The following U2SURP variants were observed in gnomAD, a reference collection of about 807,000 sequenced individuals.
U2SURP encodes U2 snRNP-associated SURP motif-containing protein.
U2SURP carries 9 observed loss-of-function variants against 144.9 expected under a neutral mutation model. The observed-to-expected ratio is 0.06, with a 90% CI of 0.04 to 0.11. The LOEUF is 0.11. U2SURP is among the 10% of genes least tolerant of loss of function. U2SURP has a pLI of 1.00. For synonymous variants in U2SURP, 408 were observed against 396.8 expected (o/e 1.03, Z -0.33); for missense variants, 724 against 1,226.7 (o/e 0.59, Z 6.12).
intron 23 of U2SURP, among the ~76,000 whole-genome samples, chr3:143,041,384 A>G (rs998708839): frequency 2.0e-5 from 3 of 151,984 alleles, no homozygotes; most frequent in African/African-American, 7.2e-5. Flanking sequence ...TTTTCCAAGA[A>G]GAATATTTTT....
chr3:143,055,143 A>G, intron 27 of U2SURP, 24 bp downstream of exon 27: 3 of 1,523,310 alleles, frequency 2.0e-6, no homozygotes, highest in South Asian at 1.3e-5. Context: ...ATTTTTGCTA[A>G]TATTTCAGAT....
Position 143,001,600 on chromosome 3 carries a change from C to G in U2SURP, c.-29C>G. On this transcript the variant is annotated 5_prime_UTR_variant, in exon 1 of 28. Coordinates refer to ENST00000473835, the MANE Select transcript of U2SURP (RefSeq NM_001080415.2). ...GGTGCTCGACTCGCCCGTGCTGCTG[C>G]CGCCGCCGAAGGAGGGGCAAAGCTC... is the stretch of plus-strand genomic sequence containing the variant. The G allele has an allele frequency of 6.2e-7, 1 of 1,613,318 alleles. No homozygotes were observed.
intron 20 of U2SURP, among the ~76,000 whole-genome samples, chr3:143,036,687 T>C (rs1009465575): frequency 2.0e-5 from 3 of 152,186 alleles, no homozygotes; most frequent in African/African-American, 7.2e-5. Context: ...ACTTTGTACA[T>C]GTCCTTCCCT....
intron 24 of U2SURP, among the ~76,000 whole-genome samples, chr3:143,049,129 G>A (rs957644836): frequency 3.3e-5 from 5 of 151,014 alleles, no homozygotes; most frequent in Non-Finnish European, 5.9e-5. Flanking sequence ...AATTAGGCTT[G>A]GTGGCGTGCG....
Position 143,021,730 on chromosome 3 carries a change from T to G in U2SURP, c.852+175T>G, listed in dbSNP as rs930415642. On this transcript the variant is annotated intron_variant, in intron 10 of 27. Transcript: ENST00000473835. ...TCTTGCCACATATTCTTGTTTCCTC[T>G]TTCAGTAACTAGATTGAACTCTGGA... is the stretch of plus-strand genomic sequence containing the variant. The G allele has an allele frequency of 4.8e-6, 3 of 628,070 alleles. No homozygotes were observed. In the East Asian group the frequency reaches 8.3e-5, roughly 17 times the overall value. The allele number at this position is 628,070 out of a possible 1,614,324, so 38.9% of individuals were successfully genotyped here.
At chr3:143,048,543 A>G (rs951132432) in intron 24 of U2SURP, among the ~76,000 whole-genome samples, 1 of 152,178 alleles carries the variant, frequency 6.6e-6, no homozygotes, top group African/African-American at 2.4e-5. Flanking sequence ...AAACACACGA[A>G]AAATGTAGAC....
At chr3:143,056,098 C>G (rs1275627359) in intron 27 of U2SURP, among the ~76,000 whole-genome samples, 2 of 152,058 alleles carry the variant, frequency 1.3e-5, no homozygotes, top group African/African-American at 4.8e-5. Flanking sequence ...TATAAACAAG[C>G]GCTCTACTGA....
chr3:143,029,838 T>G (rs186587461), intron 16 of U2SURP, among the ~76,000 whole-genome samples: 1 of 152,302 alleles, frequency 6.6e-6, no homozygotes, highest in Non-Finnish European at 1.5e-5. Flanking sequence ...ACATGAATGA[T>G]GAGGAAGCAA....
chr3:143,012,595 G>A (rs988867912), intron 3 of U2SURP, among the ~76,000 whole-genome samples: 28 of 152,088 alleles, frequency 1.8e-4, no homozygotes, highest in Non-Finnish European at 1.5e-5. Context: ...ACAAAGTAGT[G>A]TTTGGATTTA....
chr3:143,007,928 AT>A (rs1935928654), intron 1 of U2SURP, among the ~76,000 whole-genome samples: 1 of 152,216 alleles, frequency 6.6e-6, no homozygotes. Context: ...TATTTTAAAA[AT>A]TGTGTTAACT....
intron 6 of U2SURP, among the ~76,000 whole-genome samples, chr3:143,018,552 C>G (rs1403123442): frequency 6.6e-6 from 1 of 151,552 alleles, no homozygotes; most frequent in Admixed American, 6.6e-5. Flanking sequence ...GTTTTCAGTT[C>G]TCTTGGATAC....
At chr3:143,030,142 A>G (rs1933395525) in intron 16 of U2SURP, among the ~76,000 whole-genome samples, 2 of 152,270 alleles carry the variant, frequency 1.3e-5, no homozygotes, top group Admixed American at 1.3e-4. Flanking sequence ...AGGTGGCTAC[A>G]CTAAATCACA....
intron 3 of U2SURP, among the ~76,000 whole-genome samples, chr3:143,013,351 A>G (rs1214337225): frequency 3.3e-5 from 5 of 152,112 alleles, no homozygotes; most frequent in African/African-American, 1.2e-4. Flanking sequence ...GAAACCCAAT[A>G]TTGACTTTTA....
chr3:143,022,456 C>T (rs1936689383), intron 10 of U2SURP, 41 bp from the exon 11 acceptor site: 4 of 1,420,428 alleles, frequency 2.8e-6, no homozygotes, highest in Middle Eastern at 1.9e-4. Flanking sequence ...TTTTTCTTTT[C>T]CCTTTTTTGC....
chr3:143,012,402 T>C, intron 3 of U2SURP, 49 bp downstream of exon 3: 1 of 1,526,284 alleles, frequency 6.6e-7, no homozygotes, highest in Non-Finnish European at 8.8e-7. Context: ...AGTTAATGAT[T>C]TTAATCTGTC....
intron 24 of U2SURP, among the ~76,000 whole-genome samples, chr3:143,045,133 G>A (rs919531740): frequency 6.6e-6 from 1 of 152,096 alleles, no homozygotes; most frequent in Non-Finnish European, 1.5e-5. Flanking sequence ...CACTTTGGGA[G>A]GTCGAGGCGG....
At chr3:143,053,534 G>A in intron 25 of U2SURP, 142 bp from the exon 26 acceptor site, 1 of 437,174 alleles carries the variant, frequency 2.3e-6, no homozygotes, top group Non-Finnish European at 3.7e-6. Context: ...TGAAGGGGTA[G>A]ATTTTTTTTT....
intron 19 of U2SURP, 71 bp from the exon 20 acceptor site, chr3:143,035,911 A>G (rs939478611): frequency 2.7e-6 from 4 of 1,459,498 alleles, no homozygotes; most frequent in Non-Finnish European, 3.6e-6. Flanking sequence ...CTTGATGATC[A>G]TTCTCATGAA....
At chr3:143,033,078 AT>A in intron 17 of U2SURP, 132 bp downstream of exon 17, 1 of 1,075,408 alleles carries the variant, frequency 9.3e-7, no homozygotes, top group East Asian at 2.5e-5. Flanking sequence ...CTGCTTGGAA[AT>A]TTAGGTTCAT....
Sources: gnomAD v4.1 joint callset for allele counts (sites outside exome capture counted in the v4.1 genomes callset) on GRCh38, gnomAD v4.1.1 for gene constraint, MANE v1.5 for transcripts, NCBI Gene and HGNC (gene_info 2026-07-23, HGNC 2026-07-21) for gene names.